Variants in RUNX1 observed in about 807,000 individuals in gnomAD.
RUNX1 encodes the protein runt-related transcription factor 1.
RUNX1 carries 19 observed loss-of-function variants against 42.8 expected under a neutral mutation model. That is an observed-to-expected ratio of 0.44 (90% CI 0.31 to 0.65). The LOEUF (loss-of-function observed/expected upper bound fraction) is 0.65, where lower values mean the gene tolerates loss of function less well. Among genes scored for constraint, RUNX1 ranks in the 30% least tolerant of loss-of-function variants. The pLI is 0.07. For missense variants in RUNX1, 528 were observed against 672.0 expected (o/e 0.79, Z 2.37); for synonymous variants, 271 against 289.4 (o/e 0.94, Z 0.64).
chr21:34,847,917 C>CA (rs2057339616), intron 6 of RUNX1, among the ~76,000 whole-genome samples: 1 of 148,824 alleles, frequency 6.7e-6, no homozygotes, highest in Non-Finnish European at 1.5e-5. Context: ...ATCTGCCAAG[C>CA]TTTTTTTTTT....
chr21:34,889,403 C>G (rs8131386), intron 3 of RUNX1, among the ~76,000 whole-genome samples: 2 of 152,092 alleles, frequency 1.3e-5, no homozygotes, highest in Admixed American at 6.5e-5. Flanking sequence ...TACCGCTGCG[C>G]CCGGGCCGCG....
intron 2 of RUNX1, among the ~76,000 whole-genome samples, chr21:35,037,607 A>C (rs1237574712): frequency 2.0e-5 from 3 of 152,166 alleles, no homozygotes; most frequent in Non-Finnish European, 4.4e-5. Context: ...CTGCTGCAGG[A>C]ACTGCCTCTG....
rs1555906442 is a variant in RUNX1 at position 34,930,287 on chromosome 21, T to TATATAA, written c.59-37330_59-37325dup. On this transcript the variant is annotated intron_variant, in intron 2 of 8. Coordinates refer to ENST00000675419, the MANE Select transcript of RUNX1 (RefSeq NM_001754.5). ...GTGTGTATGTATATATATATATATATATATAAATAAATAAATAAAATTTTA... is the reference window on the plus strand; with the variant it reads ...GTGTGTATGTATATATATATATATATATATAAATATAAATAAATAAATAAAATTTTA... Among the ~76,000 whole-genome samples the TATATAA allele has an allele frequency of 9.9e-3, 1,408 of 142,938 alleles. 68 individuals carry two copies. Among genetic ancestry groups the TATATAA allele is most frequent in the African/African-American group, 0.035 (1,304 of 37,004 alleles). 93.8% of individuals were successfully genotyped at this position (142,938 alleles called of 152,430 possible).
At chr21:34,929,456 A>G (rs375374133) in intron 2 of RUNX1, among the ~76,000 whole-genome samples, 25 of 152,258 alleles carry the variant, frequency 1.6e-4, no homozygotes, top group African/African-American at 5.8e-4. Context: ...TCCAGGGAGG[A>G]CGCTGATCTC....
intron 6 of RUNX1, among the ~76,000 whole-genome samples, chr21:34,851,971 A>G (rs1198578405): frequency 6.6e-6 from 1 of 152,212 alleles, no homozygotes; most frequent in Non-Finnish European, 1.5e-5. Flanking sequence ...GATGGAGACC[A>G]TCCTGGCTAA....
At chr21:34,924,894 T>C (rs1176053364) in intron 2 of RUNX1, among the ~76,000 whole-genome samples, 4 of 152,162 alleles carry the variant, frequency 2.6e-5, no homozygotes, top group East Asian at 3.9e-4. Context: ...TATCCTCACA[T>C]TGTATGTGTG....
intron 2 of RUNX1, among the ~76,000 whole-genome samples, chr21:34,975,080 G>A (rs11911374): frequency 0.053 from 8,007 of 150,680 alleles, 829 homozygotes; most frequent in African/African-American, 0.18. Flanking sequence ...CAGAGTGATT[G>A]GATAAATTGC....
intron 2 of RUNX1, among the ~76,000 whole-genome samples, chr21:34,926,786 T>C (rs1160605052): frequency 5.9e-5 from 9 of 152,078 alleles, no homozygotes; most frequent in Non-Finnish European, 1.2e-4. Flanking sequence ...ACAGGAAGAA[T>C]GGTGAAAGCA....
intron 6 of RUNX1, among the ~76,000 whole-genome samples, chr21:34,852,129 C>T (rs1252379923): frequency 6.6e-6 from 1 of 152,170 alleles, no homozygotes; most frequent in African/African-American, 2.4e-5. Flanking sequence ...GATGGCGCCA[C>T]TGCACTCCAG....
At chr21:35,011,181 T>C (rs2059124082) in intron 2 of RUNX1, among the ~76,000 whole-genome samples, 1 of 152,140 alleles carries the variant, frequency 6.6e-6, no homozygotes, top group African/African-American at 2.4e-5. Flanking sequence ...TGGGGATAAA[T>C]GGTGCACCTG....
chr21:34,977,039 A>G (rs569977176), intron 2 of RUNX1, among the ~76,000 whole-genome samples: 1 of 152,210 alleles, frequency 6.6e-6, no homozygotes, highest in Non-Finnish European at 1.5e-5. Flanking sequence ...CACCAATTCA[A>G]TGGATATTCT....
intron 5 of RUNX1, among the ~76,000 whole-genome samples, chr21:34,863,407 T>G (rs1352575602): frequency 3.3e-5 from 5 of 152,214 alleles, no homozygotes; most frequent in Non-Finnish European, 5.9e-5. Context: ...TGAGCTGCGT[T>G]TGGGCCTCTG....
At chr21:34,917,283 A>G (rs889512816) in intron 2 of RUNX1, among the ~76,000 whole-genome samples, 4 of 152,246 alleles carry the variant, frequency 2.6e-5, no homozygotes, top group Non-Finnish European at 4.4e-5. Flanking sequence ...CCAAGGAAAG[A>G]GAAAGCAGAT....
At chr21:35,034,641 G>T (rs1396216126) in intron 2 of RUNX1, among the ~76,000 whole-genome samples, 1 of 152,212 alleles carries the variant, frequency 6.6e-6, no homozygotes, top group African/African-American at 2.4e-5. Context: ...TGTCTAGTGG[G>T]TGTGGGCCAG....
chr21:34,868,659 A>G (rs1483923753), intron 5 of RUNX1, among the ~76,000 whole-genome samples: 1 of 152,204 alleles, frequency 6.6e-6, no homozygotes, highest in Non-Finnish European at 1.5e-5. Flanking sequence ...AACCTTCACC[A>G]GGTTCTGTAC....
Position 35,048,900 on chromosome 21 carries a change from C to G in RUNX1, c.-1G>C. 1 of 1,613,776 alleles carries G rather than the reference C, an allele frequency of 6.2e-7. No homozygotes were observed. ...ACTCAAATATGCTGTCTGAAGCCAT[C>G]GCTTCCTCCTGAAAATGCACCCTCT... is the stretch of plus-strand genomic sequence containing the variant. On this transcript the variant is annotated 5_prime_UTR_variant, in exon 2 of 9. Transcript: ENST00000675419.
chr21:35,042,518 T>C (rs2059366544), intron 2 of RUNX1, among the ~76,000 whole-genome samples: 1 of 152,220 alleles, frequency 6.6e-6, no homozygotes, highest in South Asian at 2.1e-4. Context: ...TGTCCTCAGT[T>C]CCCTCCAGCC....
chr21:35,047,559 ACACTCTCTCT>A (rs1329758678), intron 2 of RUNX1, among the ~76,000 whole-genome samples: 33 of 64,312 alleles, frequency 5.1e-4, no homozygotes, highest in East Asian at 1.0e-3. Context: ...ACACACACAC[ACACTCTCTCT>A]CTCTCTCTCT....
Position 34,887,004 on chromosome 21 carries a change from C to T in RUNX1, c.190G>A (p.Gly64Ser), listed in dbSNP as rs937170536. The change falls in exon 4 of 9, where the codon GGC becomes AGC. Residue 64 changes from glycine (G) to serine (S), a missense_variant. By Grantham distance (56) the Gly-to-Ser change is moderately conservative. Coordinates refer to ENST00000675419, the MANE Select transcript of RUNX1 (RefSeq NM_001754.5). ...EALPLGAPDA[G>S]AALAGKLRSG... ...CTCAGCTTGCCGGCCAGGGCAGCGC[C>T]GGCGTCCGGGGCGCCCAGCGGCAAC... 3 of 1,603,770 alleles carry T rather than the reference C, an allele frequency of 1.9e-6. No individual in the cohort carries two copies. The highest frequency in any genetic ancestry group is 2.5e-6 in the Non-Finnish European group (3 of 1,177,896).
Sources: allele counts gnomAD v4.1 joint callset (sites outside exome capture counted in the v4.1 genomes callset), GRCh38; gene constraint gnomAD v4.1.1; transcripts MANE v1.5; gene names NCBI Gene and HGNC (gene_info 2026-07-23, HGNC 2026-07-21).